Variants in WASL observed in about 807,000 individuals in gnomAD.
The protein encoded by WASL is actin nucleation-promoting factor WASL.
A neutral mutation model predicts 55.5 loss-of-function variants in WASL; 20 were observed. The ratio of observed to expected loss-of-function variants is 0.36; its 90% CI spans 0.25 to 0.52. The LOEUF is 0.52. Ranked by LOEUF, WASL falls within the 20% of genes least tolerant of loss-of-function variation. WASL has a pLI of 0.92. For missense variants in WASL, 504 were observed against 622.5 expected (o/e 0.81, Z 2.03); for synonymous variants, 249 against 217.6 (o/e 1.14, Z -1.27).
intron 5 of WASL, among the ~76,000 whole-genome samples, chr7:123,700,163 G>T (rs1319460623): frequency 1.1e-5 from 1 of 87,116 alleles, no homozygotes; most frequent in Non-Finnish European, 2.0e-5. Context: ...GCAACAGAGC[G>T]AAACTCCGTC....
intron 1 of WASL, among the ~76,000 whole-genome samples, chr7:123,736,674 C>CA (rs969148943): frequency 2.0e-5 from 3 of 150,814 alleles, no homozygotes; most frequent in Admixed American, 6.6e-5. Flanking sequence ...TTTTGCACTT[C>CA]AAAAAAAATG....
intron 1 of WASL, among the ~76,000 whole-genome samples, chr7:123,715,143 A>T (rs1394316895): frequency 6.6e-6 from 1 of 152,170 alleles, no homozygotes. Context: ...TCATTCCTGT[A>T]ATGGCCCTTG....
intron 7 of WASL, among the ~76,000 whole-genome samples, 200 bp downstream of exon 7, chr7:123,695,623 C>T (rs1479367494): frequency 3.9e-5 from 6 of 151,992 alleles, no homozygotes; most frequent in Admixed American, 3.3e-4. Context: ...GTACACAAAA[C>T]CTTAGTCTAA....
intron 1 of WASL, among the ~76,000 whole-genome samples, chr7:123,725,762 C>A (rs906937316): frequency 3.3e-5 from 5 of 152,140 alleles, no homozygotes; most frequent in African/African-American, 1.2e-4. Flanking sequence ...AAATTTAGAT[C>A]TGCTTTACTG....
intron 1 of WASL, among the ~76,000 whole-genome samples, chr7:123,720,627 T>A (rs533280926): frequency 2.1e-4 from 32 of 151,570 alleles, no homozygotes; most frequent in African/African-American, 7.2e-4. Context: ...ATGAGAAACA[T>A]CACTTTCTTT....
Position 123,692,715 on chromosome 7 carries a change from G to A in WASL, c.979C>T (p.Pro327Ser), listed in dbSNP as rs201936244. The stretch of plus-strand genomic sequence containing the variant: ...GGGACTGCTACACTTGGCCTGGAAG[G>A]AGGCGGTGGTGGAGGTGCAGCTGTG... Reference protein sequence around the residue: ...APTAAPPPPPPSRPSVAVPPP... With the variant: ...APTAAPPPPPSSRPSVAVPPP... The change falls in exon 9 of 11, where the codon CCT (proline) becomes TCT (serine). Residue 327 changes from proline to serine, a missense_variant. Physicochemically the swap from Pro to Ser is moderately conservative, Grantham distance 74. Transcript: ENST00000223023. 1 of 1,517,996 alleles carries A rather than the reference G, an allele frequency of 6.6e-7. No homozygotes were observed. The allele number at this position is 1,517,996 out of a possible 1,614,324, so 94.0% of individuals were successfully genotyped here.
chr7:123,732,258 A>G (rs1804152499), intron 1 of WASL, among the ~76,000 whole-genome samples: 1 of 152,168 alleles, frequency 6.6e-6, no homozygotes, highest in Non-Finnish European at 1.5e-5. Context: ...TGAACCCGGG[A>G]GGCGGAGCTT....
At position 123,684,032 on chromosome 7, in the gene WASL, CA is replaced by C. The variant is rs1413191352; in HGVS notation, c.*486del. ...ATGTCTACAGAACTGTGCAATGTAT[CA>C]GCTTCAACATTCATATGTAGCATTG... is the stretch of plus-strand genomic sequence containing the variant. On this transcript the variant is annotated 3_prime_UTR_variant, in exon 11 of 11. Coordinates refer to ENST00000223023, the MANE Select transcript of WASL (RefSeq NM_003941.4). 6.6e-6 allele frequency: 1 copy of C among 151,960 alleles called. No homozygotes were observed. Among genetic ancestry groups the C allele is most frequent in the Non-Finnish European group, 1.5e-5 (1 of 67,970 alleles). The allele number at this position is 151,960 out of a possible 1,614,324, so 9.4% of individuals were successfully genotyped here.
intron 10 of WASL, among the ~76,000 whole-genome samples, chr7:123,687,973 T>C (rs1803322272): frequency 6.6e-6 from 1 of 152,176 alleles, no homozygotes; most frequent in Non-Finnish European, 1.5e-5. Context: ...TACTATTTAA[T>C]TCTCACATCT....
intron 5 of WASL, among the ~76,000 whole-genome samples, chr7:123,699,239 G>A (rs546263915): frequency 2.4e-4 from 37 of 152,216 alleles, no homozygotes; most frequent in African/African-American, 5.8e-4. Flanking sequence ...TTAGCCGGGC[G>A]TGGTGGTGTG....
chr7:123,700,092 C>T (rs919260755), intron 5 of WASL, among the ~76,000 whole-genome samples: 16 of 133,120 alleles, frequency 1.2e-4, no homozygotes, highest in Non-Finnish European at 2.0e-4. Context: ...AGGAGAATGG[C>T]GTGAACCCGG....
At chr7:123,740,406 A>C (rs1242658567) in intron 1 of WASL, among the ~76,000 whole-genome samples, 3 of 152,210 alleles carry the variant, frequency 2.0e-5, no homozygotes, top group Non-Finnish European at 4.4e-5. Flanking sequence ...TTATATCAGT[A>C]TAACTCTCGA....
chr7:123,720,444 TACTAAC>T (rs1803925237), intron 1 of WASL: 1 of 417,572 alleles, frequency 2.4e-6, no homozygotes, highest in Admixed American at 3.1e-5. Context: ...GGGTAGCATA[TACTAAC>T]GTCTGTACAC....
At position 123,692,946 on chromosome 7, in the gene WASL, A is replaced by C. The variant is rs979572492; in HGVS notation, c.827-79T>G. On this transcript the variant is annotated intron_variant, in intron 8 of 10. Transcript: ENST00000223023. Reference sequence around the variant, plus strand: ...ATATTGAAAAGTAATTCATTTTAACATGTATAAAAATTGAATAATACCAAA... The same window carrying C: ...ATATTGAAAAGTAATTCATTTTAACCTGTATAAAAATTGAATAATACCAAA... The C allele has an allele frequency of 3.4e-5, 45 of 1,309,024 alleles. No homozygotes were observed. In the African/African-American group the frequency reaches 6.3e-4, roughly 18 times the overall value. 81.1% of individuals were successfully genotyped at this position (1,309,024 alleles called of 1,614,324 possible). A position where few individuals can be genotyped will look rare whatever the true frequency, so the allele number is the denominator to read the frequency against.
At chr7:123,697,169 T>TA (rs1453225346) in intron 5 of WASL, among the ~76,000 whole-genome samples, 8 of 152,282 alleles carry the variant, frequency 5.3e-5, no homozygotes, top group African/African-American at 1.9e-4. Context: ...AATATAGCCT[T>TA]AACTCTTTGT....
chr7:123,707,646 T>C (rs1803692429), intron 2 of WASL, among the ~76,000 whole-genome samples: 1 of 152,232 alleles, frequency 6.6e-6, no homozygotes, highest in Non-Finnish European at 1.5e-5. Context: ...TCACACATTA[T>C]AACCACTGCA....
At chr7:123,748,445 C>T (rs1024927969) in intron 1 of WASL, among the ~76,000 whole-genome samples, 173 bp downstream of exon 1, 3 of 151,910 alleles carry the variant, frequency 2.0e-5, no homozygotes, top group African/African-American at 4.8e-5. Flanking sequence ...CGCCACGGCC[C>T]GCACCCTGGG....
intron 4 of WASL, 79 bp downstream of exon 4, chr7:123,706,198 C>A: frequency 7.4e-7 from 1 of 1,344,064 alleles, no homozygotes; most frequent in South Asian, 1.3e-5. Flanking sequence ...CTTTTATTTA[C>A]AAAAAACAGG....
chr7:123,722,075 T>C (rs1803958276), intron 1 of WASL, among the ~76,000 whole-genome samples: 1 of 152,018 alleles, frequency 6.6e-6, no homozygotes. Context: ...TCTCTGGAGC[T>C]GTACTGTTTA....
Sources: gnomAD v4.1 joint callset for allele counts (sites outside exome capture counted in the v4.1 genomes callset) on GRCh38, gnomAD v4.1.1 for gene constraint, MANE v1.5 for transcripts, NCBI Gene and HGNC (gene_info 2026-07-23, HGNC 2026-07-21) for gene names.